The following CNIH3 variants were observed in gnomAD, a reference collection of about 807,000 sequenced individuals.
CNIH3 encodes the protein cornichon family AMPA receptor auxiliary protein 3.
A neutral mutation model predicts 24.1 loss-of-function variants in CNIH3; 14 were observed. That is an observed-to-expected ratio of 0.58 (90% confidence interval 0.38 to 0.91). The LOEUF (loss-of-function observed/expected upper bound fraction) is 0.91. Ranked by LOEUF, CNIH3 falls within the 40% of genes least tolerant of loss-of-function variation. The pLI is 0.00. For synonymous variants in CNIH3, 68 were observed against 73.8 expected (o/e 0.92, Z 0.40); for missense variants, 178 against 196.8 (o/e 0.90, Z 0.57).
chr1:224,739,295 C>CTTTTTTT (rs11342205), intron 5 of CNIH3, 34 bp from the exon 6 acceptor site: 272 of 1,342,482 alleles, frequency 2.0e-4, no homozygotes, highest in Middle Eastern at 8.4e-4. Context: ...ACCTTCCTCT[C>CTTTTTTT]TTTTTTTTTT....
chr1:224,663,216 T>C (rs560958531), intron 1 of CNIH3, among the ~76,000 whole-genome samples: 1 of 152,106 alleles, frequency 6.6e-6, no homozygotes, highest in Non-Finnish European at 1.5e-5. Flanking sequence ...CAAGATGAGA[T>C]GAGATCAGGC....
intron 3 of CNIH3, among the ~76,000 whole-genome samples, chr1:224,561,360 C>A (rs1156741488): frequency 6.6e-6 from 1 of 152,184 alleles, no homozygotes; most frequent in Non-Finnish European, 1.5e-5. Flanking sequence ...CTTAGATCTA[C>A]AATCCACCCA....
chr1:224,550,847 C>G (rs941745878), intron 3 of CNIH3, among the ~76,000 whole-genome samples: 18 of 131,718 alleles, frequency 1.4e-4, no homozygotes, highest in Non-Finnish European at 2.4e-4. Context: ...AATGCTATCC[C>G]TCCCCCTCCC....
chr1:224,666,567 A>G (rs1685607316), intron 1 of CNIH3, among the ~76,000 whole-genome samples: 1 of 152,146 alleles, frequency 6.6e-6, no homozygotes, highest in Non-Finnish European at 1.5e-5. Flanking sequence ...TTAGGAGCCC[A>G]TGGAGGTTTT....
intron 4 of CNIH3, among the ~76,000 whole-genome samples, chr1:224,576,474 G>A (rs2125008053): frequency 1.3e-5 from 2 of 152,208 alleles, no homozygotes; most frequent in Middle Eastern, 6.8e-3. Flanking sequence ...TAACATGCTT[G>A]TCTTGCTCTT....
intron 1 of CNIH3, among the ~76,000 whole-genome samples, chr1:224,656,762 G>A (rs1478847026): frequency 3.3e-5 from 5 of 152,222 alleles, no homozygotes; most frequent in Admixed American, 6.5e-5. Flanking sequence ...TTCAAAGAGT[G>A]GAGAGGCGCA....
At chr1:224,646,452 C>T (rs1321273439) in intron 1 of CNIH3, among the ~76,000 whole-genome samples, 1 of 152,220 alleles carries the variant, frequency 6.6e-6, no homozygotes, top group Non-Finnish European at 1.5e-5. Flanking sequence ...GTCTTCCAGG[C>T]TGGAGTGCAG....
At chr1:224,678,865 C>T (rs774823044) in intron 1 of CNIH3, among the ~76,000 whole-genome samples, 2 of 152,000 alleles carry the variant, frequency 1.3e-5, no homozygotes, top group Non-Finnish European at 2.9e-5. Flanking sequence ...GAGGATAGCT[C>T]TAGAGGGCAA....
intron 3 of CNIH3, among the ~76,000 whole-genome samples, chr1:224,705,192 C>T (rs1270325784): frequency 6.6e-6 from 1 of 152,082 alleles, no homozygotes; most frequent in Admixed American, 6.5e-5. Context: ...AATCTAGAAC[C>T]ATTCTCCACT....
chr1:224,595,971 A>G (rs531878734), intron 3 of CNIH3, among the ~76,000 whole-genome samples: 3 of 152,376 alleles, frequency 2.0e-5, no homozygotes, highest in African/African-American at 7.2e-5. Flanking sequence ...TGCCATCTTC[A>G]TAACATACAC....
At chr1:224,729,730 ATTTTAAGCTCCTTTTAC>A in intron 3 of CNIH3, among the ~76,000 whole-genome samples, 2 of 152,020 alleles carry the variant, frequency 1.3e-5, no homozygotes, top group Non-Finnish European at 2.9e-5. Context: ...CTTTTCAATG[ATTTTAAGCTCCTTTTAC>A]CCATTTATAC....
At chr1:224,716,322 T>C (rs1558327662) in intron 3 of CNIH3, among the ~76,000 whole-genome samples, 1 of 152,212 alleles carries the variant, frequency 6.6e-6, no homozygotes, top group Non-Finnish European at 1.5e-5. Context: ...AACATTCTCC[T>C]TCATAAAAAC....
intron 1 of CNIH3, among the ~76,000 whole-genome samples, chr1:224,504,286 T>C (rs1364588819): frequency 6.6e-6 from 1 of 152,240 alleles, no homozygotes; most frequent in East Asian, 1.9e-4. Context: ...TGGTTTATTA[T>C]AAATTTCTCA....
intron 3 of CNIH3, among the ~76,000 whole-genome samples, chr1:224,706,423 C>T (rs1374174051): frequency 6.6e-6 from 1 of 152,076 alleles, no homozygotes; most frequent in East Asian, 1.9e-4. Flanking sequence ...CTTTGATTGT[C>T]TTGCTAGAGC....
chr1:224,499,741 C>T (rs1283124212), intron 1 of CNIH3, among the ~76,000 whole-genome samples: 1 of 151,850 alleles, frequency 6.6e-6, no homozygotes, highest in Non-Finnish European at 1.5e-5. Flanking sequence ...ACAATACACG[C>T]CGTTATTTGC....
chr1:224,601,564 G>A (rs753666847), intron 3 of CNIH3, among the ~76,000 whole-genome samples: 3 of 152,098 alleles, frequency 2.0e-5, no homozygotes, highest in Non-Finnish European at 2.9e-5. Context: ...ACAACTGCCC[G>A]ACAATCACCT....
chr1:224,615,962 AG>A, upstream of CNIH3: 1 of 152,954 alleles, frequency 6.5e-6, no homozygotes, highest in Non-Finnish European at 1.5e-5. Flanking sequence ...AAGAACCGGG[AG>A]GGGCGGCTGC....
chr1:224,525,019 C>T lies in CNIH3; in HGVS notation n.343+3692C>T, dbSNP rs532397691. 1.1e-4 allele frequency among the ~76,000 whole-genome samples: 17 copies of T among 152,166 alleles called. No homozygotes were observed. The South Asian group carries it at 1.9e-3, about 17-fold the overall frequency. On this transcript the variant is annotated intron_variant and non_coding_transcript_variant, in intron 2 of 2. Transcript: ENST00000470602. Reference sequence around the variant, plus strand: ...CTCTTGCCATTACATAGGAAGTATCCGCCTAAATGTAGCCATTCAAGATGA... The same window carrying T: ...CTCTTGCCATTACATAGGAAGTATCTGCCTAAATGTAGCCATTCAAGATGA...
chr1:224,667,162 C>T (rs1461174097), intron 1 of CNIH3, among the ~76,000 whole-genome samples: 1 of 152,044 alleles, frequency 6.6e-6, no homozygotes, highest in Admixed American at 6.6e-5. Context: ...TGGCACAGTC[C>T]CAGATACTGG....
Sources: gnomAD v4.1 joint callset for allele counts (sites outside exome capture counted in the v4.1 genomes callset) on GRCh38, gnomAD v4.1.1 for gene constraint, MANE v1.5 for transcripts, NCBI Gene and HGNC (gene_info 2026-07-23, HGNC 2026-07-21) for gene names.